The following SATL1 variants were observed in gnomAD, a reference collection of about 807,000 sequenced individuals.
The protein encoded by SATL1 is spermidine/spermine N1-acetyl transferase like 1, also known as spermidine/spermine N(1)-acetyltransferase-like protein 1.
A neutral mutation model predicts 51.8 loss-of-function variants in SATL1; 47 were observed. The ratio of observed to expected loss-of-function variants is 0.91; its 90% CI spans 0.72 to 1.16. The LOEUF (loss-of-function observed/expected upper bound fraction) is 1.16, where lower values mean the gene tolerates loss of function less well. Among genes scored for constraint, SATL1 ranks in the 50% most tolerant of loss-of-function variants. The probability of loss-of-function intolerance (pLI) is 0.00; values close to 1 mark genes in which losing one functional copy is unlikely to be tolerated. For synonymous variants in SATL1, 176 were observed against 182.4 expected (o/e 0.97, Z 0.28); for missense variants, 520 against 526.4 (o/e 0.99, Z 0.12).
At chrX:85,219,803 C>T (rs1419010484) in intron 2 of SATL1, 3 of 110,027 alleles carry the variant, frequency 2.7e-5, no homozygotes, top group South Asian at 4.0e-4. Flanking sequence ...CTTTATCCCT[C>T]CTTTATTTAA....
At chrX:85,106,757 C>CA (rs1224168764) in intron 3 of SATL1, among the ~76,000 whole-genome samples, 4 of 111,808 alleles carry the variant, frequency 3.6e-5, no homozygotes, top group Non-Finnish European at 7.5e-5. Context: ...TCCTTGGCTC[C>CA]TGGGGGCTGT....
chrX:85,121,659 C>T (rs900610582), intron 2 of SATL1, among the ~76,000 whole-genome samples: 4 of 107,195 alleles, frequency 3.7e-5, no homozygotes, highest in African/African-American at 1.4e-4. Flanking sequence ...GAACTATCCT[C>T]TTCATGGGGG....
At chrX:85,215,763 T>C (rs1014562437) in intron 2 of SATL1, among the ~76,000 whole-genome samples, 1 of 112,273 alleles carries the variant, frequency 8.9e-6, no homozygotes, top group Non-Finnish European at 1.9e-5. Flanking sequence ...TTACTGTCTA[T>C]ATTTCTATGA....
chrX:85,114,399 A>G (rs1359032460), intron 2 of SATL1, among the ~76,000 whole-genome samples: 2 of 111,143 alleles, frequency 1.8e-5, no homozygotes, highest in Non-Finnish European at 3.8e-5. Flanking sequence ...ATATTCATGA[A>G]CGTTTTAGCT....
chrX:85,151,543 A>G (rs1464626324), intron 2 of SATL1, among the ~76,000 whole-genome samples: 1 of 111,759 alleles, frequency 8.9e-6, no homozygotes, highest in African/African-American at 3.3e-5. Context: ...AGCTGGAGGC[A>G]TCATGCTACC....
chrX:85,152,341 A>G lies in SATL1; in HGVS notation c.-312-43061T>C, dbSNP rs191568973. 5.4e-3 allele frequency among the ~76,000 whole-genome samples: 606 copies of G among 111,466 alleles called. 6 individuals carry two copies. The highest frequency in any genetic ancestry group is 0.018 in the African/African-American group (562 of 30,709). On this transcript the variant is annotated intron_variant, in intron 2 of 7. Coordinates refer to ENST00000644105, the MANE Select transcript of SATL1 (RefSeq NM_001367857.2). Reference sequence around the variant, plus strand: ...AACAGGTGCTGGAGAGGATGTGGAGATATAGGAACACTTTTACACTGTTGG... The same window carrying G: ...AACAGGTGCTGGAGAGGATGTGGAGGTATAGGAACACTTTTACACTGTTGG...
At chrX:85,182,737 C>T (rs1324458831) in intron 2 of SATL1, among the ~76,000 whole-genome samples, 1 of 111,815 alleles carries the variant, frequency 8.9e-6, no homozygotes, top group African/African-American at 3.2e-5. Context: ...CACCTCCTCA[C>T]CAGCATTTGT....
At chrX:85,158,143 C>G (rs920299264) in intron 2 of SATL1, among the ~76,000 whole-genome samples, 1 of 106,789 alleles carries the variant, frequency 9.4e-6, no homozygotes, top group African/African-American at 3.7e-5. Context: ...AAATTCATCA[C>G]TGTTTTTTTT....
rs574827355 is a variant in SATL1, at chrX:85,126,407, T to A, written c.-312-17127A>T. Among the ~76,000 whole-genome samples the A allele has an allele frequency of 2.2e-4, 25 of 111,332 alleles. No individual in the cohort carries two copies. In the South Asian group the frequency reaches 8.8e-3, roughly 39 times the overall value. On this transcript the variant is annotated intron_variant, in intron 2 of 7. Transcript: ENST00000644105. ...TTAATTCATTTAATCCTACCAATAA[T>A]CCTATAATATTGGTGAGGAACCTGA...
intron 2 of SATL1, chrX:85,154,004 A>G (rs1926528030): frequency 8.9e-6 from 1 of 112,189 alleles, no homozygotes; most frequent in Admixed American, 9.5e-5. Context: ...TTTATCATGC[A>G]TATTACATAC....
At chrX:85,189,348 CTTG>C (rs927247142) in intron 2 of SATL1, among the ~76,000 whole-genome samples, 16 of 111,318 alleles carry the variant, frequency 1.4e-4, no homozygotes, top group African/African-American at 3.9e-4. Context: ...TCCCAAAAAA[CTTG>C]TTGTAGAGAA....
intron 1 of SATL1, among the ~76,000 whole-genome samples, chrX:85,234,649 G>A (rs748831233): frequency 3.6e-5 from 4 of 110,562 alleles, no homozygotes; most frequent in Non-Finnish European, 5.7e-5. Flanking sequence ...TTAAAGTAAT[G>A]GATTACAAGA....
At chrX:85,150,715 C>T (rs1403024332) in intron 2 of SATL1, among the ~76,000 whole-genome samples, 1 of 110,895 alleles carries the variant, frequency 9.0e-6, no homozygotes, top group Non-Finnish European at 1.9e-5. Flanking sequence ...AGACAAAAAC[C>T]ACATGATTAT....
Position 85,107,459 on chromosome X carries a change from G to T in SATL1, c.1510C>A (p.Pro504Thr), listed in dbSNP as rs1739398937. 8.3e-7 allele frequency: 1 copy of T among 1,211,083 alleles called. No homozygotes were observed. The highest frequency in any genetic ancestry group is 1.7e-5 in the African/African-American group (1 of 57,497). Residue 504 changes from proline to threonine, a missense_variant, in exon 3 of 8, where the codon CCA (proline) becomes ACA (threonine). Pro to Thr is a conservative substitution (Grantham distance 38). Coordinates refer to ENST00000644105, the MANE Select transcript of SATL1 (RefSeq NM_001367857.2). ...CTCCTGCCTGGTTGACTCAGGCCTG[G>T]TTGGCTCAGCACTAATTGGTTCAGG... ...QDLNQLVLSQ[P>T]GLSQPGRSQP... is the part of the protein sequence containing the mutation.
intron 2 of SATL1, among the ~76,000 whole-genome samples, chrX:85,217,462 G>A (rs1395538367): frequency 9.0e-6 from 1 of 111,066 alleles, no homozygotes. Context: ...GAAGTGACAT[G>A]GATATTGATA....
chrX:85,199,257 C>T (rs771837631), intron 2 of SATL1, among the ~76,000 whole-genome samples: 2 of 111,199 alleles, frequency 1.8e-5, no homozygotes, highest in South Asian at 7.7e-4. Context: ...TTTCAGGTCC[C>T]ACAAATTAGT....
chrX:85,125,407 G>T (rs779520004), intron 2 of SATL1, among the ~76,000 whole-genome samples: 1 of 110,994 alleles, frequency 9.0e-6, no homozygotes, highest in East Asian at 2.8e-4. Context: ...ATTACACTGA[G>T]TAGTACTGGG....
rs1927414337 is a variant in SATL1, at chrX:85,190,582, C to T, written c.-313+33623G>A. On this transcript the variant is annotated intron_variant, in intron 2 of 7. Transcript: ENST00000644105. ...ACTAGATGTTAAAACAACTATTCTT[C>T]TACTTAATAAAATAGGACTTATTCA... Among the ~76,000 whole-genome samples the T allele has an allele frequency of 2.7e-5, 3 of 111,417 alleles. No individual in the cohort carries two copies. The South Asian group carries it at 1.1e-3, about 42-fold the overall frequency.
intron 2 of SATL1, among the ~76,000 whole-genome samples, chrX:85,167,055 T>C (rs748399098): frequency 9.4e-6 from 1 of 106,547 alleles, no homozygotes; most frequent in East Asian, 3.0e-4. Context: ...CATGGAATAC[T>C]ACTCAGCCAT....
Sources: gnomAD v4.1 joint callset for allele counts (sites outside exome capture counted in the v4.1 genomes callset) on GRCh38, gnomAD v4.1.1 for gene constraint, MANE v1.5 for transcripts, NCBI Gene and HGNC (gene_info 2026-07-23, HGNC 2026-07-21) for gene names.